Variants in RSRC1 observed in about 807,000 individuals in gnomAD.
The protein encoded by RSRC1 is arginine and serine rich coiled-coil 1.
A neutral mutation model predicts 49.1 loss-of-function variants in RSRC1; 39 were observed. That is an observed-to-expected ratio of 0.79 (90% CI 0.61 to 1.04). RSRC1 has a LOEUF of 1.04. RSRC1 is among the 50% of genes least tolerant of loss of function. RSRC1 has a pLI of 0.00. For missense variants in RSRC1, 388 were observed against 402.4 expected (o/e 0.96, Z 0.31); for synonymous variants, 143 against 130.8 (o/e 1.09, Z -0.63).
At chr3:158,462,897 A>C (rs1737689290) in intron 7 of RSRC1, among the ~76,000 whole-genome samples, 1 of 152,022 alleles carries the variant, frequency 6.6e-6, no homozygotes, top group African/African-American at 2.4e-5. Flanking sequence ...ATATTCCTCC[A>C]ATCATAGCTG....
At chr3:158,519,182 A>G (rs991971628) in intron 7 of RSRC1, among the ~76,000 whole-genome samples, 1 of 152,046 alleles carries the variant, frequency 6.6e-6, no homozygotes, top group African/African-American at 2.4e-5. Flanking sequence ...TTTACCTTCC[A>G]CAAATTTTTG....
intron 4 of RSRC1, among the ~76,000 whole-genome samples, chr3:158,253,959 C>T (rs1290695783): frequency 1.3e-5 from 2 of 152,128 alleles, no homozygotes; most frequent in Admixed American, 6.5e-5. Flanking sequence ...TGTTCCCCGC[C>T]CTGTGTCCAA....
rs117130715 is a variant in RSRC1 at position 158,199,174 on chromosome 3, G to C, written c.321-3898G>C. On this transcript the variant is annotated intron_variant, in intron 3 of 9. Transcript: ENST00000611884. Reference sequence around the variant, plus strand: ...GCTCTTTCTTTGCCTGCTGCTATCCGCGTAAGATGTGACTTGCTACTCCTT... The same window carrying C: ...GCTCTTTCTTTGCCTGCTGCTATCCCCGTAAGATGTGACTTGCTACTCCTT... Among the ~76,000 whole-genome samples, 13 of 152,258 alleles carry C rather than the reference G, an allele frequency of 8.5e-5. No individual in the cohort carries two copies. In the East Asian group the frequency reaches 2.5e-3, roughly 29 times the overall value.
intron 3 of RSRC1, among the ~76,000 whole-genome samples, chr3:158,173,726 C>T (rs373851841): frequency 2.0e-5 from 3 of 151,792 alleles, no homozygotes; most frequent in East Asian, 1.9e-4. Context: ...AACTGATGAA[C>T]GAATAAACAA....
chr3:158,319,419 C>T (rs575932810), intron 5 of RSRC1, among the ~76,000 whole-genome samples: 1 of 152,116 alleles, frequency 6.6e-6, no homozygotes, highest in Non-Finnish European at 1.5e-5. Flanking sequence ...AACCTCTTTT[C>T]TTTATAAATT....
At chr3:158,519,074 A>C (rs1262571778) in intron 7 of RSRC1, among the ~76,000 whole-genome samples, 2 of 152,118 alleles carry the variant, frequency 1.3e-5, no homozygotes, top group African/African-American at 4.8e-5. Flanking sequence ...GAACTCAACT[A>C]CACCCATTCA....
intron 5 of RSRC1, among the ~76,000 whole-genome samples, chr3:158,315,508 G>A (rs1578325272): frequency 6.6e-6 from 1 of 152,258 alleles, no homozygotes; most frequent in East Asian, 1.9e-4. Context: ...GATGTCAGCT[G>A]TGCAACTCAA....
chr3:158,245,004 G>GTTTTTT (rs3052859), intron 4 of RSRC1, among the ~76,000 whole-genome samples: 2 of 128,932 alleles, frequency 1.6e-5, no homozygotes, highest in Non-Finnish European at 3.2e-5. Flanking sequence ...TTTTTCAAAG[G>GTTTTTT]TTTTTTTTTT....
intron 6 of RSRC1, among the ~76,000 whole-genome samples, chr3:158,423,657 T>C (rs1450956681): frequency 3.3e-5 from 5 of 152,162 alleles, no homozygotes; most frequent in Non-Finnish European, 4.4e-5. Flanking sequence ...AATCTGTAAA[T>C]TACCTTGGGC....
At chr3:158,480,918 C>T (rs866401048) in intron 7 of RSRC1, among the ~76,000 whole-genome samples, 2 of 151,908 alleles carry the variant, frequency 1.3e-5, no homozygotes, top group Non-Finnish European at 1.5e-5. Context: ...ACATGAATTT[C>T]TCTGGGGAAA....
At chr3:158,532,546 A>G (rs1434005282) in intron 7 of RSRC1, among the ~76,000 whole-genome samples, 4 of 151,918 alleles carry the variant, frequency 2.6e-5, no homozygotes, top group African/African-American at 7.2e-5. Context: ...TAATTTTTAT[A>G]CTATAAACAT....
intron 4 of RSRC1, among the ~76,000 whole-genome samples, chr3:158,268,829 A>C (rs1158266545): frequency 1.3e-5 from 2 of 152,208 alleles, no homozygotes; most frequent in African/African-American, 4.8e-5. Flanking sequence ...TAAAGTTTAA[A>C]TTTATATCTC....
chr3:158,130,236 C>T (rs1388842170), intron 3 of RSRC1, among the ~76,000 whole-genome samples: 2 of 152,130 alleles, frequency 1.3e-5, no homozygotes, highest in African/African-American at 2.4e-5. Flanking sequence ...GGGCTCCACT[C>T]TCATGACCTA....
At chr3:158,543,554 T>C (rs1222595627) in intron 9 of RSRC1, 67 bp downstream of exon 9, 2 of 1,487,910 alleles carry the variant, frequency 1.3e-6, no homozygotes, top group Non-Finnish European at 1.8e-6. Flanking sequence ...CAATCTGTTA[T>C]CCTTTTGTGC....
At chr3:158,117,829 G>A (rs1164630339) in intron 1 of RSRC1, among the ~76,000 whole-genome samples, 3 of 151,390 alleles carry the variant, frequency 2.0e-5, no homozygotes, top group Non-Finnish European at 4.4e-5. Context: ...CGTATCTGGT[G>A]CATTTTGGAC....
chr3:158,195,674 A>T (rs1437245627), intron 3 of RSRC1, among the ~76,000 whole-genome samples: 1 of 152,136 alleles, frequency 6.6e-6, no homozygotes, highest in Admixed American at 6.6e-5. Flanking sequence ...TAATTTTTGT[A>T]TAAGGTGTAA....
intron 5 of RSRC1, among the ~76,000 whole-genome samples, chr3:158,349,084 T>G (rs992884230): frequency 3.0e-4 from 45 of 152,220 alleles, no homozygotes; most frequent in Non-Finnish European, 4.9e-4. Context: ...TCTTTTTTTT[T>G]GGGTAATGAG....
Position 158,437,107 on chromosome 3 carries a change from T to TAC in RSRC1, c.584-23818_584-23817dup, listed in dbSNP as rs573021545. Among the ~76,000 whole-genome samples the TAC allele has an allele frequency of 1.2e-4, 18 of 151,806 alleles. No homozygotes were observed. The South Asian group carries it at 3.1e-3, about 26-fold the overall frequency. ...CGTCTTCCAATTCTTTTTATAGATGTACACACACACAAAAAAAAAAACCTT... is the reference window on the plus strand; with the variant it reads ...CGTCTTCCAATTCTTTTTATAGATGTACACACACACACAAAAAAAAAAACCTT... On this transcript the variant is annotated intron_variant, in intron 6 of 9. Coordinates refer to ENST00000611884, the MANE Select transcript of RSRC1 (RefSeq NM_001271838.2).
chr3:158,295,281 A>T (rs1015512881), intron 4 of RSRC1, among the ~76,000 whole-genome samples: 1 of 152,058 alleles, frequency 6.6e-6, no homozygotes, highest in Non-Finnish European at 1.5e-5. Context: ...AAAGTGGTTC[A>T]TTGGTGAGTG....
Sources: allele counts gnomAD v4.1 joint callset (sites outside exome capture counted in the v4.1 genomes callset), GRCh38; gene constraint gnomAD v4.1.1; transcripts MANE v1.5; gene names NCBI Gene and HGNC (gene_info 2026-07-23, HGNC 2026-07-21).